Variants in SLC26A8 observed in about 807,000 individuals in gnomAD.
SLC26A8 encodes testis anion transporter 1.
Under a neutral mutation model 105.0 loss-of-function variants are expected in SLC26A8, and 70 were observed. The ratio of observed to expected loss-of-function variants is 0.67; its 90% CI spans 0.55 to 0.81. The LOEUF is 0.81. SLC26A8 is among the 40% of genes least tolerant of loss of function. SLC26A8 has a pLI of 0.00. For synonymous variants in SLC26A8, 415 were observed against 438.3 expected (o/e 0.95, Z 0.66); for missense variants, 998 against 1,181.8 (o/e 0.84, Z 2.28).
intron 11 of SLC26A8, among the ~76,000 whole-genome samples, chr6:35,968,124 A>AGGCGGTGCCCTGTATC (rs1772592006): frequency 6.6e-6 from 1 of 151,858 alleles, no homozygotes; most frequent in Non-Finnish European, 1.5e-5. Context: ...CTGGGATTAC[A>AGGCGGTGCCCTGTATC]CCACTCTTGG....
chr6:35,987,975 G>A (rs1773593132), intron 7 of SLC26A8, among the ~76,000 whole-genome samples: 1 of 146,046 alleles, frequency 6.8e-6, no homozygotes. Context: ...GCAGTGGCAT[G>A]ATCTTGGCTC....
chr6:36,003,395 A>G (rs1761582713), intron 3 of SLC26A8, among the ~76,000 whole-genome samples: 1 of 152,158 alleles, frequency 6.6e-6, no homozygotes, highest in Admixed American at 6.5e-5. Flanking sequence ...CTAATTGTCT[A>G]TCTCTGCAAT....
At chr6:36,011,041 C>T (rs370966272) in intron 3 of SLC26A8, among the ~76,000 whole-genome samples, 15 of 152,104 alleles carry the variant, frequency 9.9e-5, no homozygotes, top group South Asian at 2.1e-4. Context: ...ACAACCTGCC[C>T]GATCACAAGC....
At chr6:35,994,320 T>C (rs1247069499) in intron 5 of SLC26A8, among the ~76,000 whole-genome samples, 1 of 151,852 alleles carries the variant, frequency 6.6e-6, no homozygotes, top group Non-Finnish European at 1.5e-5. Flanking sequence ...TTCACCGTGT[T>C]AGCCAGGATG....
In SLC26A8 at chr6:35,943,964, A is replaced by T; in HGVS notation, c.2849T>A (p.Val950Glu). 6.2e-7 allele frequency: 1 copy of T among 1,614,110 alleles called. No homozygotes were observed. The highest frequency in any genetic ancestry group is 2.2e-5 in the East Asian group (1 of 44,892). ...ATCCATAGGATGGCGTCTCCTCTCCACTGACCATGTCCGAGTCTGAGTCTG... is the reference window on the plus strand; with the variant it reads ...ATCCATAGGATGGCGTCTCCTCTCCTCTGACCATGTCCGAGTCTGAGTCTG... ...QSQTQTRTWS[V>E]ERRRHPMDSY... Residue 950 changes from valine to glutamate, a missense_variant, in exon 20 of 20, where the codon GTG (valine) becomes GAG (glutamate). Physicochemically the swap from Val to Glu is moderately radical, Grantham distance 121. Transcript: ENST00000490799.
intron 7 of SLC26A8, among the ~76,000 whole-genome samples, chr6:35,982,743 A>T (rs912106174): frequency 1.3e-5 from 2 of 152,214 alleles, no homozygotes; most frequent in Non-Finnish European, 2.9e-5. Flanking sequence ...TTCCAGGTAC[A>T]TTGTAGTAAT....
chr6:36,006,460 A>G (rs1761689169), intron 3 of SLC26A8, among the ~76,000 whole-genome samples: 1 of 152,114 alleles, frequency 6.6e-6, no homozygotes, highest in Non-Finnish European at 1.5e-5. Context: ...TTGAGTACCT[A>G]CTATGTGCTA....
chr6:35,950,801 G>A (rs1391893629), intron 19 of SLC26A8, among the ~76,000 whole-genome samples: 1 of 152,040 alleles, frequency 6.6e-6, no homozygotes, highest in Non-Finnish European at 1.5e-5. Context: ...GTATAGCTAG[G>A]GGAGACATTT....
intron 11 of SLC26A8, among the ~76,000 whole-genome samples, chr6:35,962,937 G>A (rs1772372340): frequency 6.6e-6 from 1 of 152,114 alleles, no homozygotes; most frequent in African/African-American, 2.4e-5. Context: ...CCAAGTAGCT[G>A]GGACTACGTG....
At position 35,981,906 on chromosome 6, in the gene SLC26A8, G is replaced by A. The variant is rs181040342; in HGVS notation, c.1025+215C>T. Among the ~76,000 whole-genome samples, 24 of 152,300 alleles carry A rather than the reference G, an allele frequency of 1.6e-4. No homozygotes were observed. The highest frequency in any genetic ancestry group is 8.5e-4 in the Admixed American group (13 of 15,288). On this transcript the variant is annotated intron_variant, in intron 8 of 19. Coordinates refer to ENST00000490799, the MANE Select transcript of SLC26A8 (RefSeq NM_052961.4). The surrounding 1 kb of genome is among the most constrained non-coding windows in gnomAD (Gnocchi z 4.0). ...ATATAACAGTTTTCCTGGATAAGGGGATGGGTTCAACTATGAGAAGAGAGA... is the reference window on the plus strand; with the variant it reads ...ATATAACAGTTTTCCTGGATAAGGGAATGGGTTCAACTATGAGAAGAGAGA...
intron 7 of SLC26A8, among the ~76,000 whole-genome samples, chr6:35,991,056 T>G (rs1266490249): frequency 6.6e-6 from 1 of 152,056 alleles, no homozygotes; most frequent in African/African-American, 2.4e-5. Flanking sequence ...TTAAATGTTC[T>G]CACAACAAAA....
intron 7 of SLC26A8, among the ~76,000 whole-genome samples, chr6:35,990,946 A>G (rs907535539): frequency 1.3e-5 from 2 of 152,216 alleles, no homozygotes; most frequent in Admixed American, 6.5e-5. Flanking sequence ...GAGGCAATAG[A>G]TAAAAGTACT....
chr6:35,961,751 G>A (rs1041840453), intron 12 of SLC26A8, among the ~76,000 whole-genome samples: 1 of 151,970 alleles, frequency 6.6e-6, no homozygotes, highest in Admixed American at 6.6e-5. Context: ...GCCTCTCCTG[G>A]GTCCTCCTCT....
chr6:35,979,007 ATTTT>A (rs34335766), intron 8 of SLC26A8, among the ~76,000 whole-genome samples: 80 of 98,346 alleles, frequency 8.1e-4, no homozygotes, highest in African/African-American at 3.0e-3. Flanking sequence ...CACCTGGCTA[ATTTT>A]TTTTTTTTTT....
chr6:35,968,609 GTATATATATATATATATATATATATA>G (rs55987809), intron 11 of SLC26A8, among the ~76,000 whole-genome samples: 966 of 60,108 alleles, frequency 0.016, 43 homozygotes, highest in African/African-American at 0.046. Flanking sequence ...GTGTGTGTGT[GTATATATATATATATATATATATATA>G]TATATATATA....
intron 11 of SLC26A8, among the ~76,000 whole-genome samples, chr6:35,963,010 AAC>A (rs898783529): frequency 1.3e-5 from 2 of 152,154 alleles, no homozygotes; most frequent in African/African-American, 4.8e-5. Context: ...ATTTGCCAAA[AAC>A]ACAAGGCAAG....
At chr6:35,988,389 G>A (rs10947581) in intron 7 of SLC26A8, among the ~76,000 whole-genome samples, 1 of 151,972 alleles carries the variant, frequency 6.6e-6, no homozygotes, top group East Asian at 1.9e-4. Flanking sequence ...ATCCTGGCAC[G>A]TTGGGACACT....
chr6:35,957,194 C>T (rs1772105859), intron 16 of SLC26A8, among the ~76,000 whole-genome samples: 1 of 152,054 alleles, frequency 6.6e-6, no homozygotes, highest in Non-Finnish European at 1.5e-5. Context: ...CCCACTCCAG[C>T]CCCGGTAACA....
At position 35,965,883 on chromosome 6, in the gene SLC26A8, C is replaced by T. The variant is rs1448999777; in HGVS notation, c.1365+2994G>A. On this transcript the variant is annotated intron_variant, in intron 11 of 19. Coordinates refer to ENST00000490799, the MANE Select transcript of SLC26A8 (RefSeq NM_052961.4). ...GCAGGTGCCTGTAATCCCAGCTACT[C>T]AGGAGGCTGAGGCAGGAAAATTGCT... 4.8e-5 allele frequency among the ~76,000 whole-genome samples: 7 copies of T among 146,230 alleles called. 2 individuals are homozygous for T. Among genetic ancestry groups the T allele is most frequent in the Admixed American group, 3.5e-4 (5 of 14,442 alleles).
Sources: gnomAD v4.1 joint callset for allele counts (sites outside exome capture counted in the v4.1 genomes callset) on GRCh38, gnomAD v4.1.1 for gene constraint, Gnocchi (gnomAD v3.1) non-coding constraint, MANE v1.5 for transcripts, NCBI Gene and HGNC (gene_info 2026-07-23, HGNC 2026-07-21) for gene names.